Variants in SFSWAP observed in about 807,000 individuals in gnomAD.
SFSWAP encodes the protein splicing factor SWAP, also known as splicing factor, suppressor of white-apricot homolog.
SFSWAP carries 17 observed loss-of-function variants against 100.7 expected under a neutral mutation model. The observed-to-expected ratio is 0.17, with a 90% confidence interval of 0.12 to 0.25. SFSWAP has a LOEUF of 0.25. Among genes scored for constraint, SFSWAP ranks in the 10% least tolerant of loss-of-function variants. The probability of loss-of-function intolerance (pLI) is 1.00; values close to 1 mark genes in which losing one functional copy is unlikely to be tolerated. For missense variants in SFSWAP, 1,005 were observed against 1,262.6 expected (o/e 0.80, Z 3.09); for synonymous variants, 504 against 510.1 (o/e 0.99, Z 0.16).
intron 3 of SFSWAP, among the ~76,000 whole-genome samples, chr12:131,716,215 C>A (rs1014076160): frequency 1.3e-5 from 2 of 152,182 alleles, no homozygotes; most frequent in East Asian, 3.8e-4. Context: ...TTTGTGGGCA[C>A]AAGAATTACT....
intron 7 of SFSWAP, among the ~76,000 whole-genome samples, chr12:131,743,933 G>A (rs1222291317): frequency 2.0e-5 from 3 of 152,220 alleles, no homozygotes; most frequent in African/African-American, 7.2e-5. Flanking sequence ...AGCTGCCAAG[G>A]CTTAGGGCTT....
rs1593121493 is a variant in SFSWAP at position 131,730,464 on chromosome 12, A to G, written c.1081+2036A>G. Among the ~76,000 whole-genome samples the G allele has an allele frequency of 6.6e-6, 1 of 152,258 alleles. No homozygotes were observed. The highest frequency in any genetic ancestry group is 6.5e-5 in the Admixed American group (1 of 15,300). On this transcript the variant is annotated intron_variant, in intron 7 of 17. Coordinates refer to ENST00000261674, the MANE Select transcript of SFSWAP (RefSeq NM_004592.4). This position sits in a 1 kb window ranked among gnomAD's most constrained non-coding sequence, Gnocchi z 4.0. ...CTGGTGGAAGAACAGCCATGTGCAGACCCCGCAGGACCAGGCAGGATGGTG... is the reference window on the plus strand; with the variant it reads ...CTGGTGGAAGAACAGCCATGTGCAGGCCCCGCAGGACCAGGCAGGATGGTG...
In SFSWAP at chr12:131,767,212, C is replaced by T. The variant is rs147664572; in HGVS notation, c.2142+904C>T. On this transcript the variant is annotated intron_variant, in intron 13 of 17. Transcript: ENST00000261674. ...CAAGGGGATTGCTCCCATGCGTGTC[C>T]GAGACCAGAGGCCTTCAGGAAACAC... 4.8e-3 allele frequency among the ~76,000 whole-genome samples: 734 copies of T among 152,048 alleles called. 9 individuals carry two copies. Among genetic ancestry groups the T allele is most frequent in the African/African-American group, 0.017 (687 of 41,434 alleles).
rs1877683143 is a variant in SFSWAP at position 131,714,313 on chromosome 12, T to C, written c.388+73T>C. 4.7e-6 allele frequency: 6 copies of C among 1,290,094 alleles called. No homozygotes were observed. The highest frequency in any genetic ancestry group is 6.5e-6 in the Non-Finnish European group (6 of 929,394). The allele number at this position is 1,290,094 out of a possible 1,614,324, so 79.9% of individuals were successfully genotyped here. A position where few individuals can be genotyped will look rare whatever the true frequency, so the allele number is the denominator to read the frequency against. ...TTAAGTATTTAAAAATTTACTCCCA[T>C]TCATTTTTTTATACTCACTCTTTCT... is the stretch of plus-strand genomic sequence containing the variant. On this transcript the variant is annotated intron_variant, in intron 2 of 17. Coordinates refer to ENST00000261674, the MANE Select transcript of SFSWAP (RefSeq NM_004592.4). This position sits in a 1 kb window ranked among gnomAD's most constrained non-coding sequence, Gnocchi z 6.0.
In SFSWAP at chr12:131,754,481, G is replaced by A. The variant is rs374839187; in HGVS notation, c.1436G>A (p.Arg479His). The A allele has an allele frequency of 2.0e-5, 32 of 1,593,944 alleles. No individual in the cohort carries two copies. The highest frequency in any genetic ancestry group is 6.8e-5 in the African/African-American group (5 of 73,926). The change falls in exon 9 of 18, where the codon CGT (arginine) becomes CAT (histidine). Residue 479 changes from arginine (R) to histidine (H), a missense_variant. Physicochemically the swap from Arg to His is conservative, Grantham distance 29. This residue lies in a region of SFSWAP where 311 missense variants were observed against 317.8 expected (regional missense o/e 0.98). Transcript: ENST00000261674. ...GGCCTGAAGTTCGAGACCAGTGTTC[G>A]TGCCAAGAATGATCAAAGGTCAGAA... Reference protein sequence around the residue: ...RNGLKFETSVRAKNDQRFEFL... With the variant: ...RNGLKFETSVHAKNDQRFEFL...
In SFSWAP at chr12:131,799,169, C is replaced by G; in HGVS notation, c.2790+60C>G. 2.9e-6 allele frequency: 4 copies of G among 1,377,988 alleles called. No individual in the cohort carries two copies. In the South Asian group the frequency reaches 4.7e-5, roughly 16 times the overall value. 85.4% of individuals were successfully genotyped at this position (1,377,988 alleles called of 1,614,324 possible). A position where few individuals can be genotyped will look rare whatever the true frequency, so the allele number is the denominator to read the frequency against. On this transcript the variant is annotated intron_variant, in intron 17 of 17. Transcript: ENST00000261674. ...TTCATCAAGGGGCCTCGTGGTTTCT[C>G]TGTTGCTAATTTTCATTCCCTGTCC...
At chr12:131,715,739 C>T (rs1877843423) in intron 3 of SFSWAP, among the ~76,000 whole-genome samples, 1 of 148,474 alleles carries the variant, frequency 6.7e-6, no homozygotes, top group African/African-American at 2.4e-5. Flanking sequence ...AACTTAGAAA[C>T]ATTCAAATGT....
chr12:131,790,534 G>A (rs1314715056), intron 15 of SFSWAP, among the ~76,000 whole-genome samples: 2 of 152,142 alleles, frequency 1.3e-5, no homozygotes, highest in Non-Finnish European at 2.9e-5. Context: ...GCACAATGGC[G>A]GGCACCTACA....
At chr12:131,771,353 G>A (rs1883579672) in intron 13 of SFSWAP, among the ~76,000 whole-genome samples, 1 of 152,108 alleles carries the variant, frequency 6.6e-6, no homozygotes, top group African/African-American at 2.4e-5. Flanking sequence ...GTGAGCTGTG[G>A]GTCTGTCTTT....
At chr12:131,763,107 T>A (rs890780834) in intron 11 of SFSWAP, among the ~76,000 whole-genome samples, 1 of 152,204 alleles carries the variant, frequency 6.6e-6, no homozygotes, top group Non-Finnish European at 1.5e-5. Flanking sequence ...GAAAAGTGGT[T>A]ATATTTCAGA....
chr12:131,780,285 A>T (rs1419678574), intron 14 of SFSWAP, among the ~76,000 whole-genome samples: 1 of 152,226 alleles, frequency 6.6e-6, no homozygotes, highest in African/African-American at 2.4e-5. Flanking sequence ...TCAAATGAAC[A>T]GTTTTGCTAA....
chr12:131,758,945 G>A (rs1238574719), intron 11 of SFSWAP, among the ~76,000 whole-genome samples: 1 of 152,160 alleles, frequency 6.6e-6, no homozygotes, highest in East Asian at 1.9e-4. Flanking sequence ...AAATTAGCCA[G>A]GCATGGTGGC....
At chr12:131,776,557 C>A (rs1884040733) in intron 13 of SFSWAP, among the ~76,000 whole-genome samples, 1 of 152,228 alleles carries the variant, frequency 6.6e-6, no homozygotes, top group Non-Finnish European at 1.5e-5. Flanking sequence ...TGTTTTCCCG[C>A]AGCCAGTTGG....
chr12:131,753,272 ACCGCCC>A lies in SFSWAP; in HGVS notation c.1233_1238del (p.Ala412_Pro413del). 1 of 1,613,678 alleles carries A rather than the reference ACCGCCC, an allele frequency of 6.2e-7. No individual in the cohort carries two copies. Among genetic ancestry groups the A allele is most frequent in the Non-Finnish European group, 8.5e-7 (1 of 1,179,686 alleles). On this transcript the variant is annotated inframe_deletion, in exon 8 of 18. Transcript: ENST00000261674. ...GTCTAACTCCCCTGGAGTGACGACC[ACCGCCC>A]CACCACCTCCTGGGACCACACCACT... is the stretch of plus-strand genomic sequence containing the variant.
intron 12 of SFSWAP, among the ~76,000 whole-genome samples, chr12:131,765,863 G>A (rs1883076453): frequency 6.6e-6 from 1 of 152,100 alleles, no homozygotes; most frequent in Non-Finnish European, 1.5e-5. Flanking sequence ...TATGCTGAGA[G>A]CCACTCTGAG....
At chr12:131,779,625 T>C (rs1884337151) in intron 14 of SFSWAP, among the ~76,000 whole-genome samples, 1 of 152,204 alleles carries the variant, frequency 6.6e-6, no homozygotes, top group African/African-American at 2.4e-5. Context: ...TGTGCTCATC[T>C]AGTTTTTCTT....
At chr12:131,754,275 C>T (rs552802041) in intron 8 of SFSWAP, 93 bp from the exon 9 acceptor site, 113 of 955,358 alleles carry the variant, frequency 1.2e-4, no homozygotes, top group East Asian at 1.2e-3. Flanking sequence ...CATGTCTCTC[C>T]GGGCATCTGA....
At chr12:131,797,692 A>ACTGT (rs899707277) in intron 16 of SFSWAP, among the ~76,000 whole-genome samples, 2 of 152,218 alleles carry the variant, frequency 1.3e-5, no homozygotes, top group African/African-American at 2.4e-5. Flanking sequence ...TAGACCGGGA[A>ACTGT]CTGTCACCAG....
chr12:131,795,724 G>A (rs995950357), intron 15 of SFSWAP, among the ~76,000 whole-genome samples: 1 of 151,706 alleles, frequency 6.6e-6, no homozygotes, highest in Non-Finnish European at 1.5e-5. Flanking sequence ...GGGCTTCGTG[G>A]CACGCAGAAT....
Sources: gnomAD v4.1 joint callset for allele counts (sites outside exome capture counted in the v4.1 genomes callset) on GRCh38, gnomAD v4.1.1 for gene constraint, gnomAD v4.1.1 regional missense constraint, Gnocchi (gnomAD v3.1) non-coding constraint, MANE v1.5 for transcripts, NCBI Gene and HGNC (gene_info 2026-07-23, HGNC 2026-07-21) for gene names.